The following WNT9A variants were observed in gnomAD, a reference collection of about 807,000 sequenced individuals.
The protein encoded by WNT9A is protein Wnt-9a.
In WNT9A, 8 loss-of-function variants were observed where a neutral mutation model predicts 31.4. That is an observed-to-expected ratio of 0.26 (90% CI 0.15 to 0.46). The LOEUF (loss-of-function observed/expected upper bound fraction) is 0.46, where lower values mean the gene tolerates loss of function less well. WNT9A is among the 20% of genes least tolerant of loss of function. WNT9A has a pLI of 0.99. For synonymous variants in WNT9A, 236 were observed against 220.1 expected (o/e 1.07, Z -0.64); for missense variants, 457 against 522.9 (o/e 0.87, Z 1.23).
At chr1:227,930,546 A>C (rs1470720427) in intron 1 of WNT9A, among the ~76,000 whole-genome samples, 3 of 152,162 alleles carry the variant, frequency 2.0e-5, no homozygotes, top group Non-Finnish European at 4.4e-5. Context: ...TCTAAAAACA[A>C]ACTAACAAAA....
chr1:227,944,263 C>A (rs938054605), intron 1 of WNT9A, among the ~76,000 whole-genome samples: 1 of 152,132 alleles, frequency 6.6e-6, no homozygotes, highest in Admixed American at 6.5e-5. Context: ...AGAAGCCAGG[C>A]GCGGAGGCCA....
chr1:227,922,451 G>A (rs1028243231), intron 3 of WNT9A, among the ~76,000 whole-genome samples: 3 of 152,194 alleles, frequency 2.0e-5, no homozygotes, highest in Non-Finnish European at 4.4e-5. Context: ...TGAGCTGACC[G>A]CAACCTCCCT....
At chr1:227,938,553 A>T (rs536834278) in intron 1 of WNT9A, among the ~76,000 whole-genome samples, 4 of 152,008 alleles carry the variant, frequency 2.6e-5, no homozygotes, top group African/African-American at 9.6e-5. Flanking sequence ...GAACCCGTAA[A>T]CCGATAGAGA....
intron 1 of WNT9A, among the ~76,000 whole-genome samples, chr1:227,932,703 G>T (rs1182613582): frequency 1.3e-5 from 2 of 152,204 alleles, no homozygotes; most frequent in Admixed American, 6.5e-5. Flanking sequence ...AATGCACATT[G>T]TGTTAGCAGG....
At chr1:227,936,392 A>G (rs1666595943) in intron 1 of WNT9A, among the ~76,000 whole-genome samples, 1 of 152,094 alleles carries the variant, frequency 6.6e-6, no homozygotes, top group Non-Finnish European at 1.5e-5. Context: ...GGGTTTTGCC[A>G]TGTTGGCCAG....
rs1199328768 is a variant in WNT9A at position 227,928,657 on chromosome 1, C to A, written c.96-3138G>T. The stretch of plus-strand genomic sequence containing the variant: ...AGGCACCACAGGGCATGCTGGGGAA[C>A]AGGATGGGCGATCTCAGAGCCTGGG... On this transcript the variant is annotated intron_variant, in intron 1 of 3. Transcript: ENST00000272164. This position sits in a 1 kb window ranked among gnomAD's most constrained non-coding sequence, Gnocchi z 4.5. 6.6e-6 allele frequency among the ~76,000 whole-genome samples: 1 copy of A among 152,158 alleles called. No individual in the cohort carries two copies. The highest frequency in any genetic ancestry group is 2.4e-5 in the African/African-American group (1 of 41,436).
In WNT9A at chr1:227,942,278, C is replaced by T. The variant is rs1035789030; in HGVS notation, c.95+5515G>A. ...CCGTCCTTACCACACACCCTCCACA[C>T]CCTCCAGGGAGCCAGGACCCCCAAG... On this transcript the variant is annotated intron_variant, in intron 1 of 3. Transcript: ENST00000272164. This position sits in a 1 kb window ranked among gnomAD's most constrained non-coding sequence, Gnocchi z 5.7. Among the ~76,000 whole-genome samples the T allele has an allele frequency of 9.9e-5, 15 of 152,172 alleles. No individual in the cohort carries two copies. The highest frequency in any genetic ancestry group is 3.4e-4 in the African/African-American group (14 of 41,440).
intron 1 of WNT9A, among the ~76,000 whole-genome samples, chr1:227,944,832 G>A (rs1208429923): frequency 1.3e-5 from 2 of 152,168 alleles, no homozygotes; most frequent in Non-Finnish European, 2.9e-5. Context: ...AAACTGCAAG[G>A]GCCACCACCA....
chr1:227,940,734 C>T (rs1430487253), intron 1 of WNT9A, among the ~76,000 whole-genome samples: 6 of 152,218 alleles, frequency 3.9e-5, no homozygotes, highest in Non-Finnish European at 5.9e-5. Flanking sequence ...CTTTTTCCAT[C>T]GTCCCATCCG....
chr1:227,943,683 A>G (rs1338894907), intron 1 of WNT9A, among the ~76,000 whole-genome samples: 4 of 152,034 alleles, frequency 2.6e-5, no homozygotes, highest in Admixed American at 2.6e-4. Flanking sequence ...GGCCTCAAAA[A>G]CCTAAATGCA....
chr1:227,944,589 C>T (rs587000), intron 1 of WNT9A, among the ~76,000 whole-genome samples: 44,016 of 152,086 alleles, frequency 0.29, 7,696 homozygotes, highest in Non-Finnish European at 0.41. Context: ...ACAGTGGTCA[C>T]TCCCTCCAGC....
At chr1:227,946,662 A>G (rs998850761) in intron 1 of WNT9A, among the ~76,000 whole-genome samples, 1 of 152,264 alleles carries the variant, frequency 6.6e-6, no homozygotes, top group African/African-American at 2.4e-5. Context: ...ACACAAAGGG[A>G]AAGTTTCCCA....
rs75066969 is a variant in WNT9A at position 227,942,990 on chromosome 1, G to GC, written c.95+4802dup. Among the ~76,000 whole-genome samples the GC allele has an allele frequency of 0.074, 11,269 of 152,224 alleles. 511 individuals carry two copies. Among genetic ancestry groups the GC allele is most frequent in the South Asian group, 0.12 (570 of 4,828 alleles). ...CCGGCCCTGCCAGGGACCCACAGGT[G>GC]CCCCTCATCCAGGCAGCCAGCTGTG... On this transcript the variant is annotated intron_variant, in intron 1 of 3. Transcript: ENST00000272164. This position sits in a 1 kb window ranked among gnomAD's most constrained non-coding sequence, Gnocchi z 5.7.
chr1:227,921,824 T>C lies in WNT9A; in HGVS notation c.792A>G (p.Ala264=), dbSNP rs1475199529. ...GGCCCCGTGGTGGGGAGATGGCACC[T>C]GCCTCGCCGGCAGCTTCATTGGTGG... The part of the protein sequence containing the change: ...GSTTNEAAGE[A]GAISPPRGRA... The change falls in exon 4 of 4, where the codon GCA becomes GCG. Residue 264 remains alanine (A), a synonymous_variant. Coordinates refer to ENST00000272164, the MANE Select transcript of WNT9A (RefSeq NM_003395.4). 2 of 1,612,934 alleles carry C rather than the reference T, an allele frequency of 1.2e-6. No homozygotes were observed. The highest frequency in any genetic ancestry group is 1.7e-6 in the Non-Finnish European group (2 of 1,179,910).
At chr1:227,933,611 G>A (rs747343863) in intron 1 of WNT9A, among the ~76,000 whole-genome samples, 5 of 152,130 alleles carry the variant, frequency 3.3e-5, no homozygotes, top group South Asian at 2.1e-4. Context: ...AGGGACGTGC[G>A]ACTCTCCCTT....
chr1:227,944,489 T>C (rs897627910), intron 1 of WNT9A, among the ~76,000 whole-genome samples: 2 of 152,216 alleles, frequency 1.3e-5, no homozygotes, highest in African/African-American at 2.4e-5. Flanking sequence ...CGGGGCTGTA[T>C]ACATTAAAAG....
rs1044094121 is a variant in WNT9A, at chr1:227,926,060, C to T, written c.96-541G>A. ...AGCTTCCCAGCACTCCTGCAGTCTA[C>T]GCATATGTCCCCAGGTTCCAGCTGG... On this transcript the variant is annotated intron_variant, in intron 1 of 3. Transcript: ENST00000272164. This position sits in a 1 kb window ranked among gnomAD's most constrained non-coding sequence, Gnocchi z 5.0. 2.6e-5 allele frequency among the ~76,000 whole-genome samples: 4 copies of T among 152,116 alleles called. No homozygotes were observed. Among genetic ancestry groups the T allele is most frequent in the East Asian group, 1.9e-4 (1 of 5,178 alleles).
At chr1:227,947,712 T>C in intron 1 of WNT9A, 81 bp downstream of exon 1, 1 of 837,224 alleles carries the variant, frequency 1.2e-6, no homozygotes, top group Non-Finnish European at 1.5e-6. Flanking sequence ...CCACCCCGGG[T>C]GCCTCGGGGA....
chr1:227,942,400 A>C lies in WNT9A; in HGVS notation c.95+5393T>G, dbSNP rs1666722507. ...CGCCTGCAGGGGCCATCAGGCTGACACTCCAGACCCTCCCACTTACGGCCC... is the reference window on the plus strand; with the variant it reads ...CGCCTGCAGGGGCCATCAGGCTGACCCTCCAGACCCTCCCACTTACGGCCC... On this transcript the variant is annotated intron_variant, in intron 1 of 3. Transcript: ENST00000272164. The surrounding 1 kb of genome is among the most constrained non-coding windows in gnomAD (Gnocchi z 5.7). Among the ~76,000 whole-genome samples, 1 of 151,860 alleles carries C rather than the reference A, an allele frequency of 6.6e-6. No individual in the cohort carries two copies. Among genetic ancestry groups the C allele is most frequent in the Admixed American group, 6.6e-5 (1 of 15,254 alleles).
Sources: allele counts gnomAD v4.1 joint callset (sites outside exome capture counted in the v4.1 genomes callset), GRCh38; gene constraint gnomAD v4.1.1; non-coding constraint Gnocchi (gnomAD v3.1); transcripts MANE v1.5; gene names NCBI Gene and HGNC (gene_info 2026-07-23, HGNC 2026-07-21).